NLGN1: variants seen among roughly 807,000 people sequenced by gnomAD.
NLGN1 encodes the protein neuroligin-1.
Under a neutral mutation model 65.5 loss-of-function variants are expected in NLGN1, and 12 were observed. The observed-to-expected ratio is 0.18, with a 90% CI of 0.12 to 0.30. The LOEUF (loss-of-function observed/expected upper bound fraction) is 0.30. Among genes scored for constraint, NLGN1 ranks in the 10% least tolerant of loss-of-function variants. NLGN1 has a pLI of 1.00. For missense variants in NLGN1, 750 were observed against 1,007.1 expected (o/e 0.74, Z 3.46); for synonymous variants, 350 against 359.5 (o/e 0.97, Z 0.30).
At chr3:173,864,759 T>G (rs1729792861) in intron 4 of NLGN1, among the ~76,000 whole-genome samples, 1 of 152,144 alleles carries the variant, frequency 6.6e-6, no homozygotes, top group Non-Finnish European at 1.5e-5. Flanking sequence ...CCCTCCATAG[T>G]TTTCACATTG....
At chr3:173,652,629 G>A (rs1485004862) in intron 3 of NLGN1, among the ~76,000 whole-genome samples, 1 of 152,140 alleles carries the variant, frequency 6.6e-6, no homozygotes, top group Non-Finnish European at 1.5e-5. Flanking sequence ...CCAGTACTAT[G>A]CTGTTATAGT....
At chr3:173,898,822 A>G (rs1736809899) in intron 4 of NLGN1, among the ~76,000 whole-genome samples, 1 of 152,156 alleles carries the variant, frequency 6.6e-6, no homozygotes, top group Non-Finnish European at 1.5e-5. Context: ...TTTCAAAGAG[A>G]CCTCATAAAC....
At chr3:173,570,573 C>G (rs1030892955) in intron 2 of NLGN1, among the ~76,000 whole-genome samples, 10 of 152,172 alleles carry the variant, frequency 6.6e-5, no homozygotes, top group Non-Finnish European at 1.3e-4. Flanking sequence ...ATTTTTAGCG[C>G]TCCAGGAAGC....
chr3:174,079,461 C>A (rs1426165847), intron 4 of NLGN1, among the ~76,000 whole-genome samples: 1 of 152,102 alleles, frequency 6.6e-6, no homozygotes, highest in Non-Finnish European at 1.5e-5. Context: ...ATTGGTTCAA[C>A]CATTGTGAAA....
chr3:173,769,401 A>G (rs1382368856), intron 3 of NLGN1, among the ~76,000 whole-genome samples: 2 of 152,226 alleles, frequency 1.3e-5, no homozygotes, highest in East Asian at 3.9e-4. Flanking sequence ...TCATCTCCCA[A>G]CATTCCCCCA....
At chr3:173,611,673 G>A (rs73044469) in intron 3 of NLGN1, among the ~76,000 whole-genome samples, 54 of 152,158 alleles carry the variant, frequency 3.5e-4, no homozygotes, top group African/African-American at 1.2e-3. Flanking sequence ...AAATGAAGTA[G>A]ATCTAAAGGG....
At chr3:173,720,604 T>C (rs1337293582) in intron 3 of NLGN1, among the ~76,000 whole-genome samples, 2 of 152,224 alleles carry the variant, frequency 1.3e-5, no homozygotes, top group Non-Finnish European at 2.9e-5. Context: ...ACCTTATTAG[T>C]AAGTGAATTC....
At chr3:173,843,373 C>G (rs970370160) in intron 4 of NLGN1, among the ~76,000 whole-genome samples, 1 of 152,236 alleles carries the variant, frequency 6.6e-6, no homozygotes, top group Non-Finnish European at 1.5e-5. Context: ...ATTTCTGCAG[C>G]AGGCATGAAT....
At chr3:173,996,301 C>T (rs1250700085) in intron 4 of NLGN1, among the ~76,000 whole-genome samples, 1 of 152,108 alleles carries the variant, frequency 6.6e-6, no homozygotes, top group Non-Finnish European at 1.5e-5. Flanking sequence ...ATGCTGTTTT[C>T]CTGAATCAGT....
chr3:173,994,991 T>G (rs1721970625), intron 4 of NLGN1, among the ~76,000 whole-genome samples: 1 of 152,210 alleles, frequency 6.6e-6, no homozygotes, highest in Admixed American at 6.5e-5. Flanking sequence ...CAGTGTAAGT[T>G]TCTATTTGTC....
At chr3:174,137,514 A>G (rs2152683294) in intron 4 of NLGN1, among the ~76,000 whole-genome samples, 1 of 152,266 alleles carries the variant, frequency 6.6e-6, no homozygotes, top group Non-Finnish European at 1.5e-5. Flanking sequence ...TGAGAGCACT[A>G]AAATCTACTT....
intron 1 of NLGN1, among the ~76,000 whole-genome samples, chr3:173,414,234 A>T (rs779082062): frequency 5.9e-5 from 9 of 152,172 alleles, no homozygotes; most frequent in Non-Finnish European, 1.2e-4. Flanking sequence ...AACAGAGAGG[A>T]TGCTTGAATA....
At chr3:173,846,886 A>G (rs944099075) in intron 4 of NLGN1, among the ~76,000 whole-genome samples, 2 of 152,208 alleles carry the variant, frequency 1.3e-5, no homozygotes, top group Non-Finnish European at 1.5e-5. Context: ...TTTAATTGCC[A>G]TGTGAATAGT....
intron 4 of NLGN1, among the ~76,000 whole-genome samples, chr3:174,013,896 T>A (rs1726040802): frequency 6.6e-6 from 1 of 152,040 alleles, no homozygotes; most frequent in Admixed American, 6.6e-5. Flanking sequence ...AAAATTATTT[T>A]TAGAGACAGA....
intron 4 of NLGN1, among the ~76,000 whole-genome samples, chr3:173,993,654 T>TGGTA (rs1553909719): frequency 6.8e-6 from 1 of 147,282 alleles, no homozygotes; most frequent in Admixed American, 6.9e-5. Flanking sequence ...GCTAGATAGA[T>TGGTA]GATAGATAGA....
At chr3:173,553,209 A>G (rs1468884636) in intron 2 of NLGN1, among the ~76,000 whole-genome samples, 1 of 152,188 alleles carries the variant, frequency 6.6e-6, no homozygotes, top group Non-Finnish European at 1.5e-5. Flanking sequence ...ACCTTAAGAA[A>G]TAAATCTGGA....
At chr3:173,772,161 A>G (rs1464948828) in intron 3 of NLGN1, among the ~76,000 whole-genome samples, 2 of 152,158 alleles carry the variant, frequency 1.3e-5, no homozygotes, top group East Asian at 3.8e-4. Flanking sequence ...CCTTTTGTGG[A>G]TGTTAATCAA....
intron 3 of NLGN1, among the ~76,000 whole-genome samples, chr3:173,752,772 G>A (rs2150162998): frequency 6.6e-6 from 1 of 152,104 alleles, no homozygotes; most frequent in South Asian, 2.1e-4. Flanking sequence ...TTCTGCTACT[G>A]TTCACCTGTC....
intron 3 of NLGN1, among the ~76,000 whole-genome samples, chr3:173,767,398 A>G (rs151211393): frequency 1.6e-4 from 24 of 152,224 alleles, no homozygotes; most frequent in Non-Finnish European, 2.6e-4. Context: ...TTAGCATTAA[A>G]AATATTTTAT....
Sources: allele counts gnomAD v4.1 joint callset (sites outside exome capture counted in the v4.1 genomes callset), GRCh38; gene constraint gnomAD v4.1.1; transcripts MANE v1.5; gene names NCBI Gene and HGNC (gene_info 2026-07-23, HGNC 2026-07-21).